The following CPAMD8 variants were observed in gnomAD, a reference collection of about 807,000 sequenced individuals.
CPAMD8 encodes the protein C3 and PZP-like alpha-2-macroglobulin domain-containing protein 8.
Under a neutral mutation model 224.7 loss-of-function variants are expected in CPAMD8, and 146 were observed. That is an observed-to-expected ratio of 0.65 (90% CI 0.57 to 0.75). The LOEUF (loss-of-function observed/expected upper bound fraction) is 0.75. CPAMD8 is among the 30% of genes least tolerant of loss of function. The probability of loss-of-function intolerance (pLI) is 0.00; values close to 1 mark genes in which losing one functional copy is unlikely to be tolerated. For missense variants in CPAMD8, 2,301 were observed against 2,537.5 expected, an observed-to-expected ratio of 0.91 and a Z score of 2.00; for synonymous variants, 966 against 1,044.6, an observed-to-expected ratio of 0.92 and a Z score of 1.45.
At chr19:16,957,951 T>G in intron 18 of CPAMD8, 36 bp from the exon 19 acceptor site, 4 of 1,585,364 alleles carry the variant, frequency 2.5e-6, no homozygotes, top group Non-Finnish European at 3.5e-6. Context: ...TAAGGTTTCA[T>G]GAACATAACA....
At chr19:16,946,689 T>G (rs953339218) in intron 21 of CPAMD8, among the ~76,000 whole-genome samples, 2 of 145,082 alleles carry the variant, frequency 1.4e-5, no homozygotes, top group African/African-American at 2.6e-5. Flanking sequence ...TGTCTACACG[T>G]GGGTGTGTGT....
intron 21 of CPAMD8, among the ~76,000 whole-genome samples, 167 bp downstream of exon 21, chr19:16,946,907 G>A (rs1238241292): frequency 2.0e-5 from 3 of 152,064 alleles, no homozygotes; most frequent in Admixed American, 6.5e-5. Flanking sequence ...ACTCCTCCTG[G>A]GCCCATTCCT....
At position 17,004,303 on chromosome 19, in the gene CPAMD8, A is replaced by G. The variant is rs377233238; in HGVS notation, c.643T>C (p.Tyr215His). The G allele has an allele frequency of 1.2e-6, 2 of 1,611,162 alleles. No homozygotes were observed. The highest frequency in any genetic ancestry group is 2.7e-5 in the African/African-American group (2 of 74,860). Residue 215 changes from tyrosine to histidine, a missense_variant, in exon 8 of 42, where the codon TAC (tyrosine) becomes CAC (histidine). Tyr to His is a moderately conservative substitution (Grantham distance 83). Around this residue, in one of 4 missense-constraint regions of CPAMD8, gnomAD observed 283 missense variants for 340.6 expected, o/e 0.83. Transcript: ENST00000443236. ...TTCTGAACTTCAAAAGACTTGTTGT[A>G]CGCGTGGCCTTGCATTTCAACAAAA... Reference protein sequence around the residue: ...FIFVEMQGHAYNKSFEVQKYV... With the variant: ...FIFVEMQGHAHNKSFEVQKYV...
chr19:16,896,484 C>G lies in CPAMD8; in HGVS notation c.5247G>C (p.Glu1749Asp). The G allele has an allele frequency of 7.0e-7, 1 of 1,434,836 alleles. No individual in the cohort carries two copies. Among genetic ancestry groups the G allele is most frequent in the Non-Finnish European group, 9.1e-7 (1 of 1,104,534 alleles). 88.9% of individuals were successfully genotyped at this position (1,434,836 alleles called of 1,614,324 possible). A position where few individuals can be genotyped will look rare whatever the true frequency, so the allele number is the denominator to read the frequency against. ...EAACRQAAPL[E>D]PAPPSCCALE... is the part of the protein sequence containing the mutation. ...GGGCGCAGCAGCTGGGAGGCGCGGG[C>G]TCCAGGGGCGCGGCCTGGCGGCAGG... The change falls in exon 40 of 42, where the codon GAG becomes GAC. Residue 1749 changes from glutamate (E) to aspartate (D), a missense_variant. Transcript: ENST00000443236.
chr19:16,912,664 A>T (rs539461877), intron 29 of CPAMD8, among the ~76,000 whole-genome samples: 2 of 152,228 alleles, frequency 1.3e-5, no homozygotes, highest in East Asian at 3.9e-4. Context: ...CTGCCATGCC[A>T]TGGATCCCAC....
At chr19:17,017,736 A>G (rs921535032) in intron 3 of CPAMD8, among the ~76,000 whole-genome samples, 1 of 152,214 alleles carries the variant, frequency 6.6e-6, no homozygotes, top group Non-Finnish European at 1.5e-5. Flanking sequence ...CTATCATCAA[A>G]TGTAATGGAG....
At position 16,967,890 on chromosome 19, in the gene CPAMD8, CAT is replaced by C. The variant is rs777446265; in HGVS notation, c.2213+2999_2213+3000del. ...GTATATATGTGCATATATACACACA[CAT>C]GTGTGTGTATATATGTGCATATATA... On this transcript the variant is annotated intron_variant, in intron 18 of 41. Transcript: ENST00000443236. Among the ~76,000 whole-genome samples, 567 of 61,594 alleles carry C rather than the reference CAT, an allele frequency of 9.2e-3. 22 individuals are homozygous for C. Among genetic ancestry groups the C allele is most frequent in the Middle Eastern group, 0.036 (4 of 110 alleles). The allele number at this position is 61,594 out of a possible 152,430, so 40.4% of individuals were successfully genotyped here. A position where few individuals can be genotyped will look rare whatever the true frequency, so the allele number is the denominator to read the frequency against.
chr19:17,003,824 T>C (rs1048241988), intron 8 of CPAMD8, among the ~76,000 whole-genome samples: 3 of 149,924 alleles, frequency 2.0e-5, no homozygotes, highest in Non-Finnish European at 4.4e-5. Flanking sequence ...CCTGAAACTA[T>C]ACCCAGCCAT....
At chr19:16,993,090 C>T (rs145355431) in intron 12 of CPAMD8, among the ~76,000 whole-genome samples, 1 of 152,328 alleles carries the variant, frequency 6.6e-6, no homozygotes, top group African/African-American at 2.4e-5. Flanking sequence ...AGTATAATCA[C>T]GGTCTGCCTC....
chr19:16,950,175 G>A (rs56808159), intron 20 of CPAMD8, among the ~76,000 whole-genome samples: 36,625 of 151,478 alleles, frequency 0.24, 4,556 homozygotes, highest in Admixed American at 0.28. Context: ...GCGGGCGCCT[G>A]TAATCCCAGC....
chr19:16,947,357 CCCGGGAAGGTCCCCTTTCCATTT>C, intron 20 of CPAMD8, 130 bp from the exon 21 acceptor site: 1 of 1,151,810 alleles, frequency 8.7e-7, no homozygotes, highest in Non-Finnish European at 1.2e-6. Flanking sequence ...CCATGCTCCC[CCCGGGAAGGTCCCCTTTCCATTT>C]CCGATCAGAA....
At chr19:17,011,368 A>G in intron 5 of CPAMD8, 96 bp downstream of exon 5, 9 of 1,292,090 alleles carry the variant, frequency 7.0e-6, no homozygotes, top group Non-Finnish European at 1.0e-5. Context: ...AGAAAAGAGA[A>G]GTTCTGGAGA....
intron 10 of CPAMD8, among the ~76,000 whole-genome samples, chr19:16,999,846 T>A (rs2056255180): frequency 1.3e-5 from 2 of 152,080 alleles, no homozygotes; most frequent in South Asian, 4.1e-4. Flanking sequence ...TGTTTGTTTT[T>A]TGAGATGGAG....
At position 16,993,464 on chromosome 19, in the gene CPAMD8, C is replaced by T. The variant is rs775347068; in HGVS notation, c.1218G>A (p.Gly406=). 21 of 1,613,826 alleles carry T rather than the reference C, an allele frequency of 1.3e-5. No homozygotes were observed. Among genetic ancestry groups the T allele is most frequent in the Non-Finnish European group, 1.7e-5 (20 of 1,179,872 alleles). ...ACGTGGGGATGGAGGGGATTTCAAA[C>T]CCCACTAGTCCACGCTGGGACACAA... is the stretch of plus-strand genomic sequence containing the variant. ...SEVVSQRGLV[G]FEIPSIPTSA... The change falls in exon 12 of 42, where the codon GGG becomes GGA. Residue 406 remains glycine, a synonymous_variant. Transcript: ENST00000443236.
At chr19:16,975,033 C>G in intron 17 of CPAMD8, 64 bp downstream of exon 17, 1 of 1,547,156 alleles carries the variant, frequency 6.5e-7, no homozygotes, top group Non-Finnish European at 8.7e-7. Flanking sequence ...ATCTCCAAGA[C>G]TCTTATTTCT....
In CPAMD8 at chr19:16,967,838, T is replaced by C. The variant is rs1453491538; in HGVS notation, c.2213+3053A>G. Among the ~76,000 whole-genome samples the C allele has an allele frequency of 5.9e-5, 9 of 151,268 alleles. No homozygotes were observed. In the South Asian group the frequency reaches 6.3e-4, roughly 11 times the overall value. ...AAATATATATATATATGTATATATA[T>C]ACACACATATGTGCGTGTATATACT... On this transcript the variant is annotated intron_variant, in intron 18 of 41. Transcript: ENST00000443236.
intron 5 of CPAMD8, among the ~76,000 whole-genome samples, chr19:17,011,083 A>G (rs574244163): frequency 1.3e-4 from 20 of 152,118 alleles, no homozygotes; most frequent in Non-Finnish European, 2.6e-4. Flanking sequence ...AATCCCGGCT[A>G]CTCGGGAGGC....
chr19:16,941,071 C>A (rs1483634000), intron 22 of CPAMD8, among the ~76,000 whole-genome samples: 1 of 152,220 alleles, frequency 6.6e-6, no homozygotes, highest in African/African-American at 2.4e-5. Context: ...GCTGGGATTA[C>A]AGGTGCCTGC....
chr19:16,987,179 A>AAAATATATATATATAT (rs1555784836), intron 13 of CPAMD8, among the ~76,000 whole-genome samples: 3 of 53,920 alleles, frequency 5.6e-5, no homozygotes, highest in African/African-American at 1.0e-4. Flanking sequence ...AAAAAAAAAA[A>AAAATATATATATATAT]ATATATATAT....
Sources: allele counts gnomAD v4.1 joint callset (sites outside exome capture counted in the v4.1 genomes callset), GRCh38; gene constraint gnomAD v4.1.1; regional missense constraint gnomAD v4.1.1; transcripts MANE v1.5; gene names NCBI Gene and HGNC (gene_info 2026-07-23, HGNC 2026-07-21).